The following DDX60L variants were observed in gnomAD, a reference collection of about 807,000 sequenced individuals.
The protein encoded by DDX60L is DExD/H-box 60 like.
A neutral mutation model predicts 211.6 loss-of-function variants in DDX60L; 191 were observed. The ratio of observed to expected loss-of-function variants is 0.90; its 90% CI spans 0.80 to 1.02. The LOEUF (loss-of-function observed/expected upper bound fraction) is 1.02, where lower values mean the gene tolerates loss of function less well. Ranked by LOEUF, DDX60L falls within the 50% of genes least tolerant of loss-of-function variation. The pLI is 0.00. For synonymous variants in DDX60L, 706 were observed against 694.1 expected (o/e 1.02, Z -0.27); for missense variants, 2,007 against 1,984.1 (o/e 1.01, Z -0.22).
chr4:168,432,636 C>T, intron 11 of DDX60L, 66 bp from the exon 12 acceptor site: 1 of 909,162 alleles, frequency 1.1e-6, no homozygotes, highest in Non-Finnish European at 1.6e-6. Flanking sequence ...AAACTTCAGG[C>T]TGTGATAACA....
At chr4:168,388,709 T>C (rs1313957015) in intron 29 of DDX60L, among the ~76,000 whole-genome samples, 4 of 152,196 alleles carry the variant, frequency 2.6e-5, no homozygotes, top group African/African-American at 7.2e-5. Flanking sequence ...TTAATCATTA[T>C]ACATACTCCT....
chr4:168,479,346 A>G (rs79332304), intron 1 of DDX60L, among the ~76,000 whole-genome samples: 3,628 of 152,326 alleles, frequency 0.024, 125 homozygotes, highest in African/African-American at 0.078. Context: ...TTCAAACTGC[A>G]AATCTTAGAT....
chr4:168,376,741 C>T (rs978465930), intron 33 of DDX60L, among the ~76,000 whole-genome samples: 1 of 152,218 alleles, frequency 6.6e-6, no homozygotes, highest in Non-Finnish European at 1.5e-5. Flanking sequence ...TTACCATGTA[C>T]ACCTTGTGTT....
intron 35 of DDX60L, 43 bp from the exon 36 acceptor site, chr4:168,371,806 A>G (rs1741079866): frequency 6.7e-7 from 1 of 1,495,654 alleles, no homozygotes; most frequent in Non-Finnish European, 9.1e-7. Context: ...TGATATGTAA[A>G]GAGTAACTGT....
At chr4:168,421,973 G>A (rs144383849) in intron 16 of DDX60L, 64 bp from the exon 17 acceptor site, 2 of 1,598,922 alleles carry the variant, frequency 1.3e-6, no homozygotes, top group Admixed American at 1.7e-5. Flanking sequence ...AACACAGACA[G>A]TATCCTTTGT....
At chr4:168,364,393 A>G (rs949595031) in intron 36 of DDX60L, among the ~76,000 whole-genome samples, 4 of 152,230 alleles carry the variant, frequency 2.6e-5, no homozygotes, top group Non-Finnish European at 5.9e-5. Context: ...ATCCAAATAT[A>G]TAAAGCAATT....
At chr4:168,406,117 G>T in intron 23 of DDX60L, 39 bp from the exon 24 acceptor site, 1 of 1,563,758 alleles carries the variant, frequency 6.4e-7, no homozygotes, top group Non-Finnish European at 8.6e-7. Flanking sequence ...GCTAAGCTAT[G>T]CAATCTATAG....
rs902003 is a variant in DDX60L, at chr4:168,384,955, A to C, written c.3916-143T>G. 473,755 of 835,612 alleles carry C rather than the reference A, an allele frequency of 0.57. 137,438 individuals are homozygous for C. Among genetic ancestry groups the C allele is most frequent in the East Asian group, 0.69 (25,744 of 37,230 alleles). The allele number at this position is 835,612 out of a possible 1,614,324, so 51.8% of individuals were successfully genotyped here. A position where few individuals can be genotyped will look rare whatever the true frequency, so the allele number is the denominator to read the frequency against. ...TGAAACTAATCTATGTTAACATGGC[A>C]CTTAAAAAATACAGTGTGGCTGGGC... is the stretch of plus-strand genomic sequence containing the variant. On this transcript the variant is annotated intron_variant, in intron 29 of 37. Transcript: ENST00000682922.
At chr4:168,447,951 C>T (rs62336666) in intron 9 of DDX60L, among the ~76,000 whole-genome samples, 19,812 of 149,776 alleles carry the variant, frequency 0.13, 1,835 homozygotes, top group Non-Finnish European at 0.19. Flanking sequence ...GTGGGTGCAG[C>T]GCACCAGCAT....
chr4:168,449,079 G>A (rs542643858), intron 8 of DDX60L, among the ~76,000 whole-genome samples: 12 of 152,190 alleles, frequency 7.9e-5, no homozygotes, highest in African/African-American at 2.4e-4. Flanking sequence ...TGTCATGCAG[G>A]TCCTGGGATC....
At position 168,423,675 on chromosome 4, in the gene DDX60L, T is replaced by G. The variant is rs1420459518; in HGVS notation, c.2030A>C (p.Gln677Pro). The G allele has an allele frequency of 1.2e-6, 2 of 1,605,230 alleles. No homozygotes were observed. Among genetic ancestry groups the G allele is most frequent in the Non-Finnish European group, 1.7e-6 (2 of 1,175,752 alleles). The change falls in exon 15 of 38, where the codon CAA (glutamine) becomes CCA (proline). Residue 677 changes from glutamine (Q) to proline (P), a missense_variant. Coordinates refer to ENST00000682922, the MANE Select transcript of DDX60L (RefSeq NM_001012967.3). ...ATATTTAAGGCATTTAGCTATATAT[T>G]GATGATGTTCTGCTTCCAAAATTTC... The part of the protein sequence containing the change: ...YPEILEAEHH[Q>P]YIAKCLKYLG...
chr4:168,433,634 G>A (rs1362050018), intron 10 of DDX60L, among the ~76,000 whole-genome samples: 1 of 152,064 alleles, frequency 6.6e-6, no homozygotes, highest in Non-Finnish European at 1.5e-5. Flanking sequence ...TAGACTAGAG[G>A]ATTTTTAAAT....
At chr4:168,425,798 C>T (rs2246498) in intron 14 of DDX60L, among the ~76,000 whole-genome samples, 13,888 of 152,124 alleles carry the variant, frequency 0.091, 894 homozygotes, top group African/African-American at 0.19. Context: ...CATATCTCTA[C>T]TCAGTTTTTT....
At chr4:168,418,481 C>T (rs1393467110) in intron 19 of DDX60L, among the ~76,000 whole-genome samples, 3 of 152,070 alleles carry the variant, frequency 2.0e-5, no homozygotes, top group Non-Finnish European at 2.9e-5. Flanking sequence ...TCCCTTAAAA[C>T]GGGAATGTTC....
At chr4:168,370,407 T>C (rs1451366455) in intron 36 of DDX60L, among the ~76,000 whole-genome samples, 2 of 151,958 alleles carry the variant, frequency 1.3e-5, no homozygotes, top group Non-Finnish European at 2.9e-5. Flanking sequence ...GGTAGAATAA[T>C]GGTTACAAAG....
chr4:168,447,869 G>A (rs1201512239), intron 9 of DDX60L, among the ~76,000 whole-genome samples: 1 of 131,022 alleles, frequency 7.6e-6, no homozygotes, highest in African/African-American at 2.9e-5. Context: ...CACACTCTGG[G>A]GACTGTTGTG....
chr4:168,375,227 T>C, intron 34 of DDX60L, 150 bp downstream of exon 34: 1 of 745,498 alleles, frequency 1.3e-6, no homozygotes, highest in Non-Finnish European at 2.1e-6. Flanking sequence ...ATGGGCTAAA[T>C]TGTTTTCTGG....
chr4:168,417,322 C>T (rs72695160), intron 19 of DDX60L, among the ~76,000 whole-genome samples: 16,749 of 152,142 alleles, frequency 0.11, 1,289 homozygotes, highest in Admixed American at 0.15. Flanking sequence ...CCACTTTCCC[C>T]GCCATGCACT....
chr4:168,429,725 T>C (rs1057112788), intron 13 of DDX60L, among the ~76,000 whole-genome samples: 1 of 152,184 alleles, frequency 6.6e-6, no homozygotes, highest in Admixed American at 6.5e-5. Context: ...GACTGCATCA[T>C]GGGGAGGGGG....
Sources: allele counts gnomAD v4.1 joint callset (sites outside exome capture counted in the v4.1 genomes callset), GRCh38; gene constraint gnomAD v4.1.1; transcripts MANE v1.5; gene names NCBI Gene and HGNC (gene_info 2026-07-23, HGNC 2026-07-21).